Variants in ZMYND8 observed in about 807,000 individuals in gnomAD.
ZMYND8 encodes the protein zinc finger MYND-type containing 8.
In ZMYND8, 37 loss-of-function variants were observed where a neutral mutation model predicts 140.8. That is an observed-to-expected ratio of 0.26 (90% confidence interval 0.20 to 0.35). The LOEUF (loss-of-function observed/expected upper bound fraction) is 0.35. Ranked by LOEUF, ZMYND8 falls within the 10% of genes least tolerant of loss-of-function variation. ZMYND8 has a pLI of 1.00. For synonymous variants in ZMYND8, 592 were observed against 597.1 expected (o/e 0.99, Z 0.12); for missense variants, 1,068 against 1,570.0 (o/e 0.68, Z 5.40).
At chr20:47,322,711 G>T (rs1384445707) in intron 2 of ZMYND8, among the ~76,000 whole-genome samples, 2 of 152,096 alleles carry the variant, frequency 1.3e-5, no homozygotes, top group South Asian at 2.1e-4. Context: ...ACCCAGCCAG[G>T]ATGGTATTTC....
At chr20:47,241,218 C>G (rs1238213665) in intron 14 of ZMYND8, among the ~76,000 whole-genome samples, 1 of 150,920 alleles carries the variant, frequency 6.6e-6, no homozygotes, top group Non-Finnish European at 1.5e-5. Flanking sequence ...TCGCTTGAAC[C>G]CATGAGGCAG....
Position 47,298,687 on chromosome 20 carries a change from AG to A in ZMYND8, c.453+41del. ...AATAAAAGGAAGAAAGAGAAAGGAGAGGAAACGAGGCAGGTAATGCATTCAT... is the reference window on the plus strand; with the variant it reads ...AATAAAAGGAAGAAAGAGAAAGGAGAGAAACGAGGCAGGTAATGCATTCAT... On this transcript the variant is annotated intron_variant, in intron 4 of 22. Coordinates refer to ENST00000471951, the MANE Select transcript of ZMYND8 (RefSeq NM_001281775.3). The surrounding 1 kb of genome is among the most constrained non-coding windows in gnomAD (Gnocchi z 5.0). 1 of 1,576,582 alleles carries A rather than the reference AG, an allele frequency of 6.3e-7. No individual in the cohort carries two copies. The highest frequency in any genetic ancestry group is 8.6e-7 in the Non-Finnish European group (1 of 1,158,540).
chr20:47,325,840 G>A (rs2080366739), intron 2 of ZMYND8, among the ~76,000 whole-genome samples: 1 of 151,776 alleles, frequency 6.6e-6, no homozygotes, highest in African/African-American at 2.4e-5. Flanking sequence ...CCAGGCTGGA[G>A]TGCAATGGCA....
chr20:47,225,746 T>C (rs3091566), intron 18 of ZMYND8, among the ~76,000 whole-genome samples: 44,431 of 151,402 alleles, frequency 0.29, 8,851 homozygotes, highest in African/African-American at 0.56. Flanking sequence ...TAGGGGTCTG[T>C]AAACCATAGC....
At chr20:47,219,051 T>C (rs1294411914) in intron 21 of ZMYND8, among the ~76,000 whole-genome samples, 2 of 138,812 alleles carry the variant, frequency 1.4e-5, no homozygotes, top group African/African-American at 2.8e-5. Context: ...ACCCCGTTTC[T>C]ACAATTTTTT....
intron 21 of ZMYND8, among the ~76,000 whole-genome samples, chr20:47,219,829 C>T (rs1042172944): frequency 6.6e-6 from 1 of 152,152 alleles, no homozygotes; most frequent in African/African-American, 2.4e-5. Context: ...TAAGCACTGC[C>T]TTCAATTCTC....
intron 14 of ZMYND8, 81 bp downstream of exon 14, chr20:47,245,927 T>C: frequency 1.3e-6 from 2 of 1,510,072 alleles, no homozygotes; most frequent in Non-Finnish European, 1.8e-6. Context: ...TCTTTAAGGG[T>C]CACATAACTT....
Position 47,298,505 on chromosome 20 carries a change from G to A in ZMYND8, c.453+224C>T. ...ATCTCCAAGGAATCCAAGGACTCAT[G>A]AGAAATCAGAAATAATATTCCGTGC... On this transcript the variant is annotated intron_variant, in intron 4 of 22. Transcript: ENST00000471951. The surrounding 1 kb of genome is among the most constrained non-coding windows in gnomAD (Gnocchi z 5.0). 1 of 985,454 alleles carries A rather than the reference G, an allele frequency of 1.0e-6. No individual in the cohort carries two copies. The allele number at this position is 985,454 out of a possible 1,614,324, so 61.0% of individuals were successfully genotyped here.
intron 2 of ZMYND8, among the ~76,000 whole-genome samples, chr20:47,338,220 C>T (rs1173516512): frequency 1.3e-5 from 2 of 152,066 alleles, no homozygotes; most frequent in Admixed American, 6.6e-5. Context: ...ATGGACTTTG[C>T]GCTATTGTCC....
At chr20:47,226,518 T>C (rs2037732419) in intron 18 of ZMYND8, among the ~76,000 whole-genome samples, 2 of 152,190 alleles carry the variant, frequency 1.3e-5, no homozygotes, top group Non-Finnish European at 2.9e-5. Context: ...CAGATATTGT[T>C]AAAGTGCCTA....
At chr20:47,275,615 A>G (rs569503858) in intron 11 of ZMYND8, among the ~76,000 whole-genome samples, 13 of 151,962 alleles carry the variant, frequency 8.6e-5, no homozygotes, top group Non-Finnish European at 1.3e-4. Context: ...GTTTTTTGAG[A>G]CAGGGTCTCA....
chr20:47,288,194 C>A (rs190915438), intron 7 of ZMYND8, among the ~76,000 whole-genome samples: 1 of 152,230 alleles, frequency 6.6e-6, no homozygotes, highest in East Asian at 1.9e-4. Context: ...CAATGGAGCA[C>A]TGGAGCTGCC....
intron 10 of ZMYND8, among the ~76,000 whole-genome samples, chr20:47,281,511 C>T (rs1316161809): frequency 6.6e-6 from 1 of 152,196 alleles, no homozygotes. Flanking sequence ...ACACAGCAGG[C>T]TCTGCTCTAC....
chr20:47,229,241 G>A (rs550728607), intron 17 of ZMYND8, among the ~76,000 whole-genome samples: 5 of 151,808 alleles, frequency 3.3e-5, no homozygotes, highest in East Asian at 1.9e-4. Context: ...GATTCCCAAA[G>A]CGCTGGGATT....
chr20:47,280,922 C>G (rs1006869254), intron 10 of ZMYND8, among the ~76,000 whole-genome samples: 1 of 152,130 alleles, frequency 6.6e-6, no homozygotes, highest in Non-Finnish European at 1.5e-5. Flanking sequence ...TTCCTGGTCC[C>G]TCATCCCAGA....
At chr20:47,325,990 G>T (rs1206975834) in intron 2 of ZMYND8, among the ~76,000 whole-genome samples, 1 of 151,496 alleles carries the variant, frequency 6.6e-6, no homozygotes, top group Non-Finnish European at 1.5e-5. Flanking sequence ...ATGGAGTATT[G>T]CATGTGGCTC....
At chr20:47,294,855 TCAGTCAA>T in intron 4 of ZMYND8, 76 bp from the exon 5 acceptor site, 1 of 1,383,632 alleles carries the variant, frequency 7.2e-7, no homozygotes, top group South Asian at 1.2e-5. Context: ...TTCTATTTTT[TCAGTCAA>T]CTGACAGACA....
Position 47,212,643 on chromosome 20 carries a change from C to A in ZMYND8, c.3567G>T (p.Lys1189Asn). 5 of 1,613,878 alleles carry A rather than the reference C, an allele frequency of 3.1e-6. No individual in the cohort carries two copies. Among genetic ancestry groups the A allele is most frequent in the Non-Finnish European group, 4.2e-6 (5 of 1,179,852 alleles). Residue 1189 changes from lysine to asparagine, a missense_variant and splice_region_variant, in exon 22 of 23, where the codon AAG (lysine) becomes AAT (asparagine). Around this residue, in one of 10 missense-constraint regions of ZMYND8, gnomAD observed 180 missense variants for 187.8 expected, o/e 0.96. Coordinates refer to ENST00000471951, the MANE Select transcript of ZMYND8 (RefSeq NM_001281775.3). ...HQPHPNYPAQ[K>N]YHSRSNKSSW... ...TTCGTAAGACAGGTTCATACTTACACTTCTGGGCGGGGTAGTTGGGGTGCG... is the reference window on the plus strand; with the variant it reads ...TTCGTAAGACAGGTTCATACTTACAATTCTGGGCGGGGTAGTTGGGGTGCG...
Position 47,282,131 on chromosome 20 carries a change from G to C in ZMYND8, c.969C>G (p.Val323=). The C allele has an allele frequency of 6.2e-7, 1 of 1,613,748 alleles. No individual in the cohort carries two copies. Among genetic ancestry groups the C allele is most frequent in the Non-Finnish European group, 8.5e-7 (1 of 1,179,864 alleles). Residue 323 remains valine (V), a synonymous_variant, in exon 10 of 23, where the codon GTC becomes GTG. Coordinates refer to ENST00000471951, the MANE Select transcript of ZMYND8 (RefSeq NM_001281775.3). The stretch of plus-strand genomic sequence containing the variant: ...CATGTTGTCCAAAGAATCGGGCATC[G>C]ACCTGCCCGTCTTTATCCCTTAGAG... ...AKALRDKDGQ[V]DARFFGQHDR...
Sources: gnomAD v4.1 joint callset for allele counts (sites outside exome capture counted in the v4.1 genomes callset) on GRCh38, gnomAD v4.1.1 for gene constraint, gnomAD v4.1.1 regional missense constraint, Gnocchi (gnomAD v3.1) non-coding constraint, MANE v1.5 for transcripts, NCBI Gene and HGNC (gene_info 2026-07-23, HGNC 2026-07-21) for gene names.